NAALADL2: variants seen among roughly 807,000 people sequenced by gnomAD.
NAALADL2 encodes the protein N-acetylated alpha-linked acidic dipeptidase like 2, also known as inactive N-acetylated-alpha-linked acidic dipeptidase-like protein 2.
A neutral mutation model predicts 87.2 loss-of-function variants in NAALADL2; 76 were observed. The ratio of observed to expected loss-of-function variants is 0.87; its 90% CI spans 0.72 to 1.05. The LOEUF is 1.05. Ranked by LOEUF, NAALADL2 falls within the 50% of genes least tolerant of loss-of-function variation. The pLI, the probability that NAALADL2 is intolerant of heterozygous loss-of-function variation, is 0.00. For synonymous variants in NAALADL2, 354 were observed against 331.0 expected (o/e 1.07, Z -0.75); for missense variants, 1,089 against 945.8 (o/e 1.15, Z -1.99).
Position 175,256,542 on chromosome 3 carries a change from G to A in NAALADL2, c.939+12G>A, listed in dbSNP as rs748679107. On this transcript the variant is annotated intron_variant, in intron 4 of 13. Transcript: ENST00000454872. ...CACTGCTTTATAAGGTTGGTCCAGT[G>A]AATGTTATTCAGTGGTTTGGTCAAT... The A allele has an allele frequency of 6.2e-7, 1 of 1,606,920 alleles. No individual in the cohort carries two copies. Among genetic ancestry groups the A allele is most frequent in the Non-Finnish European group, 8.5e-7 (1 of 1,177,452 alleles).
At chr3:174,681,769 A>T (rs1308778090) in intron 2 of NAALADL2, among the ~76,000 whole-genome samples, 1 of 152,168 alleles carries the variant, frequency 6.6e-6, no homozygotes, top group Non-Finnish European at 1.5e-5. Flanking sequence ...GGGAAATGTG[A>T]ATAGGACATT....
intron 2 of NAALADL2, among the ~76,000 whole-genome samples, chr3:174,633,952 C>G (rs143918335): frequency 1.3e-4 from 20 of 152,228 alleles, no homozygotes; most frequent in African/African-American, 4.6e-4. Flanking sequence ...GATAAATTAT[C>G]TAATGTCCTT....
At position 174,546,267 on chromosome 3, in the gene NAALADL2, A is replaced by G. The variant is rs73040590; in HGVS notation, c.-183-4302A>G. Among the ~76,000 whole-genome samples, 779 of 152,102 alleles carry G rather than the reference A, an allele frequency of 5.1e-3. 10 individuals are homozygous for G. The highest frequency in any genetic ancestry group is 0.017 in the African/African-American group (693 of 41,514). ...GAAATTCCCACAAGTCAGTATGTAA[A>G]CTTTACCTAATTCCCTTGTTTTAAC... On this transcript the variant is annotated intron_variant, in intron 1 of 3. Coordinates refer to the NAALADL2 transcript ENST00000434257.
intron 10 of NAALADL2, among the ~76,000 whole-genome samples, chr3:175,580,594 C>G (rs529523486): frequency 7.0e-6 from 1 of 142,990 alleles, no homozygotes; most frequent in African/African-American, 3.0e-5. Context: ...TTTGCAGTAT[C>G]TGATGAAATC....
chr3:174,797,298 C>CTTTTTTCTTTTTTTTTTT (rs1399307603), intron 3 of NAALADL2, among the ~76,000 whole-genome samples: 1 of 97,720 alleles, frequency 1.0e-5, no homozygotes, highest in African/African-American at 4.7e-5. Context: ...TTTTGTTTTT[C>CTTTTTTCTTTTTTTTTTT]TTTTTTCTTT....
intron 3 of NAALADL2, among the ~76,000 whole-genome samples, chr3:175,253,274 C>T (rs960702274): frequency 2.6e-5 from 4 of 152,136 alleles, no homozygotes; most frequent in Non-Finnish European, 5.9e-5. Context: ...TCTAAAAATG[C>T]TAGGGTCCTT....
At chr3:174,877,301 T>C (rs1303713352) in intron 1 of NAALADL2, among the ~76,000 whole-genome samples, 2 of 152,164 alleles carry the variant, frequency 1.3e-5, no homozygotes, top group African/African-American at 4.8e-5. Context: ...AATTCAGTAC[T>C]GATGGTTAAC....
intron 10 of NAALADL2, among the ~76,000 whole-genome samples, chr3:175,613,911 A>G (rs1724996228): frequency 6.6e-6 from 1 of 152,338 alleles, no homozygotes; most frequent in Non-Finnish European, 1.5e-5. Context: ...AATCTCCCAT[A>G]CATTAGGATA....
At chr3:175,198,295 G>C (rs1462717495) in intron 2 of NAALADL2, among the ~76,000 whole-genome samples, 1 of 151,800 alleles carries the variant, frequency 6.6e-6, no homozygotes. Flanking sequence ...TTACATTAAT[G>C]GAAAAAGTGA....
chr3:175,788,744 A>C (rs190869016), intron 13 of NAALADL2, among the ~76,000 whole-genome samples: 1 of 152,222 alleles, frequency 6.6e-6, no homozygotes, highest in African/African-American at 2.4e-5. Flanking sequence ...ATGGTCACAT[A>C]AATATATTTC....
intron 2 of NAALADL2, among the ~76,000 whole-genome samples, chr3:175,168,523 T>G (rs533815010): frequency 6.6e-6 from 1 of 151,848 alleles, no homozygotes. Context: ...TTAAAAATAA[T>G]TGTTCATATG....
At chr3:174,964,032 T>TG (rs1742516710) in intron 1 of NAALADL2, among the ~76,000 whole-genome samples, 1 of 93,346 alleles carries the variant, frequency 1.1e-5, no homozygotes, top group South Asian at 2.6e-4. Flanking sequence ...TTAAATCTTT[T>TG]GGGAAAAAAA....
At chr3:175,257,208 A>AT (rs1750121390) in intron 4 of NAALADL2, 1 of 125,780 alleles carries the variant, frequency 8.0e-6, no homozygotes, top group South Asian at 3.1e-4. Context: ...AAAAAAAAAA[A>AT]AAAAATTAGT....
At chr3:175,209,155 C>T (rs1182705158) in intron 2 of NAALADL2, among the ~76,000 whole-genome samples, 4 of 152,118 alleles carry the variant, frequency 2.6e-5, no homozygotes, top group Admixed American at 2.0e-4. Flanking sequence ...TAAAATAAAA[C>T]ATGTCGTCTG....
chr3:174,744,523 A>T (rs1170801070), intron 3 of NAALADL2, among the ~76,000 whole-genome samples: 1 of 152,104 alleles, frequency 6.6e-6, no homozygotes, highest in Non-Finnish European at 1.5e-5. Context: ...GCCCACTGTC[A>T]ATATTAGGCA....
intron 1 of NAALADL2, among the ~76,000 whole-genome samples, chr3:174,966,015 G>A (rs1742811887): frequency 6.6e-6 from 1 of 152,056 alleles, no homozygotes; most frequent in Non-Finnish European, 1.5e-5. Flanking sequence ...GCCCATTTGA[G>A]ATTCATGATC....
chr3:174,522,964 AAAC>A (rs1578079461), intron 1 of NAALADL2, among the ~76,000 whole-genome samples: 3 of 151,400 alleles, frequency 2.0e-5, no homozygotes, highest in Admixed American at 6.6e-5. Context: ...AAAAGAAAAA[AAAC>A]AACAACAAGG....
At chr3:174,695,122 G>T (rs909472303) in intron 2 of NAALADL2, among the ~76,000 whole-genome samples, 11 of 151,962 alleles carry the variant, frequency 7.2e-5, no homozygotes, top group Admixed American at 6.6e-4. Flanking sequence ...TTAGGTATAA[G>T]ATTCAAAAGC....
intron 5 of NAALADL2, among the ~76,000 whole-genome samples, chr3:175,407,827 C>T (rs1442067435): frequency 2.6e-5 from 4 of 152,070 alleles, no homozygotes; most frequent in Non-Finnish European, 5.9e-5. Flanking sequence ...GATTAAGTTC[C>T]ATCAGTCTTG....
Sources: gnomAD v4.1 joint callset for allele counts (sites outside exome capture counted in the v4.1 genomes callset) on GRCh38, gnomAD v4.1.1 for gene constraint, MANE v1.5 for transcripts, NCBI Gene and HGNC (gene_info 2026-07-23, HGNC 2026-07-21) for gene names.